GALP: variants seen among roughly 807,000 people sequenced by gnomAD.
The protein encoded by GALP is galanin-like peptide.
In GALP, 12 loss-of-function variants were observed where a neutral mutation model predicts 15.2. The ratio of observed to expected loss-of-function variants is 0.79; its 90% CI spans 0.51 to 1.28. The LOEUF (loss-of-function observed/expected upper bound fraction) is 1.28. Among genes scored for constraint, GALP ranks in the 50% most tolerant of loss-of-function variants. GALP has a pLI of 0.00. For missense variants in GALP, 161 were observed against 145.6 expected (o/e 1.11, Z -0.55); for synonymous variants, 58 against 55.1 (o/e 1.05, Z -0.23).
intron 3 of GALP, among the ~76,000 whole-genome samples, chr19:56,181,395 CTTTTTTTTTTTTT>C (rs10656072): frequency 2.5e-5 from 2 of 81,316 alleles, no homozygotes; most frequent in African/African-American, 5.8e-5. Flanking sequence ...TCTCTCTCTC[CTTTTTTTTTTTTT>C]TTTTTTTTTT....
chr19:56,177,097 G>T lies in GALP; in HGVS notation c.-12G>T. 6.2e-7 allele frequency: 1 copy of T among 1,609,312 alleles called. No homozygotes were observed. The highest frequency in any genetic ancestry group is 8.5e-7 in the Non-Finnish European group (1 of 1,177,364). On this transcript the variant is annotated 5_prime_UTR_variant, in exon 2 of 6. Transcript: ENST00000357330. ...TGTTCCGCAGCTGTAGGCACCTGTC[G>T]TCCTGCCTTCGATGGCTCCTCCCTC...
At position 56,183,140 on chromosome 19, in the gene GALP, C is replaced by T. The variant is rs141705754; in HGVS notation, c.223C>T (p.Leu75Phe). ...ILDLWKAIDG[L>F]PYSHPPQPSK... ...TGTTGTATTTTTGTTTCTAGACGGG[C>T]TCCCCTACTCCCACCCTCCACAGCC... is the stretch of plus-strand genomic sequence containing the variant. The change falls in exon 5 of 6, where the codon CTC becomes TTC. Residue 75 changes from leucine to phenylalanine, a missense_variant. Physicochemically the swap from Leu to Phe is conservative, Grantham distance 22. Coordinates refer to ENST00000357330, the MANE Select transcript of GALP (RefSeq NM_033106.4). 4.9e-4 allele frequency: 796 copies of T among 1,611,598 alleles called. 2 individuals are homozygous for T. The African/African-American group carries it at 0.01, about 20-fold the overall frequency.
intron 1 of GALP, among the ~76,000 whole-genome samples, chr19:56,176,724 T>C (rs2032468614): frequency 3.6e-5 from 5 of 139,238 alleles, no homozygotes; most frequent in Admixed American, 7.4e-5. Flanking sequence ...GGGAGAGTGA[T>C]GGGGGGCTTG....
intron 3 of GALP, 64 bp downstream of exon 3, chr19:56,180,698 G>A: frequency 7.3e-7 from 1 of 1,364,520 alleles, no homozygotes; most frequent in South Asian, 1.2e-5. Flanking sequence ...TGCAGGCAGT[G>A]AGTTTGTGGC....
In GALP at chr19:56,177,199, AC is replaced by A; in HGVS notation, c.87+5del. ...AGCATCCGCACCTGCCCACCGGGTA[AC>A]GCCTCCCTAAGTTCCTCGGAAACAA... is the stretch of plus-strand genomic sequence containing the variant. On this transcript the variant is annotated splice_donor_5th_base_variant and intron_variant, in intron 2 of 5. Coordinates refer to ENST00000357330, the MANE Select transcript of GALP (RefSeq NM_033106.4). 1 of 1,611,752 alleles carries A rather than the reference AC, an allele frequency of 6.2e-7. No individual in the cohort carries two copies. The highest frequency in any genetic ancestry group is 8.5e-7 in the Non-Finnish European group (1 of 1,178,400).
At chr19:56,184,484 C>CTTTT (rs11414322) in intron 5 of GALP, among the ~76,000 whole-genome samples, 1,799 of 117,600 alleles carry the variant, frequency 0.015, 73 homozygotes, top group Admixed American at 0.058. Flanking sequence ...TTTTCTTTTT[C>CTTTT]TTTTTTTTTT....
chr19:56,179,825 G>A (rs755355170), intron 2 of GALP, among the ~76,000 whole-genome samples: 49 of 151,820 alleles, frequency 3.2e-4, no homozygotes, highest in African/African-American at 9.4e-4. Context: ...TTATTGAGAC[G>A]GAGTCTCACT....
Position 56,180,619 on chromosome 19 carries a change from T to C in GALP, c.121T>C (p.Tyr41His), listed in dbSNP as rs372069106. 3 of 1,613,884 alleles carry C rather than the reference T, an allele frequency of 1.9e-6. No individual in the cohort carries two copies. The African/African-American group carries it at 4.0e-5, about 22-fold the overall frequency. ...AGGCTGGACCCTCAATAGTGCTGGC[T>C]ACCTTCTGGGTCCCGGTGAGTGAGG... ...RGGWTLNSAG[Y>H]LLGPVLHLPQ... Residue 41 changes from tyrosine (Y) to histidine (H), a missense_variant, in exon 3 of 6, where the codon TAC becomes CAC. By Grantham distance (83) the Tyr-to-His change is moderately conservative. Coordinates refer to ENST00000357330, the MANE Select transcript of GALP (RefSeq NM_033106.4).
At chr19:56,177,526 A>AGAAG (rs1555785861) in intron 2 of GALP, among the ~76,000 whole-genome samples, 7 of 146,474 alleles carry the variant, frequency 4.8e-5, no homozygotes, top group Non-Finnish European at 9.0e-5. Flanking sequence ...AAAAAAAAAA[A>AGAAG]AAGAAGAAAT....
chr19:56,180,550 G>T, intron 2 of GALP, 36 bp from the exon 3 acceptor site: 1 of 1,600,524 alleles, frequency 6.2e-7, no homozygotes, highest in Non-Finnish European at 8.6e-7. Flanking sequence ...CCCGCTTTCT[G>T]TCTGCTTGAG....
intron 2 of GALP, among the ~76,000 whole-genome samples, chr19:56,178,869 C>T (rs1229148513): frequency 1.3e-5 from 2 of 152,200 alleles, no homozygotes; most frequent in Admixed American, 1.3e-4. Context: ...AGTGCACATC[C>T]TCCTTAAGAG....
chr19:56,181,658 T>G (rs998667326), intron 3 of GALP, among the ~76,000 whole-genome samples: 29 of 152,128 alleles, frequency 1.9e-4, no homozygotes, highest in Non-Finnish European at 2.8e-4. Context: ...TCCGCCCGCC[T>G]CAGCCTCCCA....
Position 56,182,227 on chromosome 19 carries a change from G to A in GALP, c.192G>A (p.Glu64=). The change falls in exon 4 of 6, where the codon GAG becomes GAA. Residue 64 remains glutamate, a synonymous_variant. Transcript: ENST00000357330. ...DQDGKRETAL[E]ILDLWKAIDG... is the part of the protein sequence containing the mutation. ...ACGGAAAGAGGGAGACAGCCCTTGA[G>A]ATCCTAGACCTGTGGAAGGCCATCG... 1.2e-6 allele frequency: 2 copies of A among 1,614,000 alleles called. No individual in the cohort carries two copies. The highest frequency in any genetic ancestry group is 2.7e-5 in the African/African-American group (2 of 75,062).
chr19:56,178,531 A>C (rs1187847290), intron 2 of GALP, among the ~76,000 whole-genome samples: 13 of 150,194 alleles, frequency 8.7e-5, no homozygotes, highest in African/African-American at 3.2e-4. Context: ...CAAAAAAAAA[A>C]AAAAAAAAAA....
intron 2 of GALP, 114 bp from the exon 3 acceptor site, chr19:56,180,472 C>A: frequency 1.2e-6 from 1 of 838,372 alleles, no homozygotes; most frequent in Non-Finnish European, 2.0e-6. Context: ...TTGAAATGAA[C>A]CTGCTCCACA....
In GALP at chr19:56,179,551, C is replaced by T. The variant is rs148121584; in HGVS notation, c.88-1035C>T. Among the ~76,000 whole-genome samples the T allele has an allele frequency of 2.6e-4, 40 of 151,594 alleles. No homozygotes were observed. In the East Asian group the frequency reaches 7.0e-3, roughly 27 times the overall value. ...GCCAGGATGGTCTCGATCTCCTGAC[C>T]TCGTGATCCGCCAGCCTTGGCCAAG... is the stretch of plus-strand genomic sequence containing the variant. On this transcript the variant is annotated intron_variant, in intron 2 of 5. Coordinates refer to ENST00000357330, the MANE Select transcript of GALP (RefSeq NM_033106.4).
Position 56,177,133 on chromosome 19 carries a change from G to T in GALP, c.25G>T (p.Val9Phe). 1.2e-6 allele frequency: 2 copies of T among 1,613,420 alleles called. No homozygotes were observed. The highest frequency in any genetic ancestry group is 1.7e-6 in the Non-Finnish European group (2 of 1,179,828). Reference sequence around the variant, plus strand: ...GATGGCTCCTCCCTCCGTCCCCCTGGTCCTCCTCCTCGTCCTCTTGCTGAG... The same window carrying T: ...GATGGCTCCTCCCTCCGTCCCCCTGTTCCTCCTCCTCGTCCTCTTGCTGAG... Reference protein sequence around the residue: MAPPSVPLVLLLVLLLSLA... With the variant: MAPPSVPLFLLLVLLLSLA... The change falls in exon 2 of 6, where the codon GTC (valine) becomes TTC (phenylalanine). Residue 9 changes from valine (V) to phenylalanine (F), a missense_variant. Transcript: ENST00000357330.
chr19:56,178,313 AT>A (rs955636692), intron 2 of GALP, among the ~76,000 whole-genome samples: 8 of 151,744 alleles, frequency 5.3e-5, no homozygotes, highest in Admixed American at 2.6e-4. Context: ...AAAAAAAAAA[AT>A]TAACTAGGTA....
rs75975335 is a variant in GALP at position 56,182,592 on chromosome 19, G to T, written c.217+340G>T. Among the ~76,000 whole-genome samples, 1,309 of 152,268 alleles carry T rather than the reference G, an allele frequency of 8.6e-3. 14 individuals are homozygous for T. The highest frequency in any genetic ancestry group is 0.029 in the African/African-American group (1,220 of 41,534). On this transcript the variant is annotated intron_variant, in intron 4 of 5. Transcript: ENST00000357330. ...TGTATGACTCAGTGAGAAAATGCAC[G>T]TTAATTTCCTAGAAGTGTCTGGCAT...
Sources: allele counts gnomAD v4.1 joint callset (sites outside exome capture counted in the v4.1 genomes callset), GRCh38; gene constraint gnomAD v4.1.1; transcripts MANE v1.5; gene names NCBI Gene and HGNC (gene_info 2026-07-23, HGNC 2026-07-21).